The following EPB41 variants were observed in gnomAD, a reference collection of about 807,000 sequenced individuals.
EPB41 encodes erythrocyte membrane protein band 4.1.
In EPB41, 65 loss-of-function variants were observed where a neutral mutation model predicts 108.0. The ratio of observed to expected loss-of-function variants is 0.60; its 90% confidence interval spans 0.49 to 0.74. EPB41 has a LOEUF of 0.74. EPB41 is among the 30% of genes least tolerant of loss of function. The pLI, the probability that EPB41 is intolerant of heterozygous loss-of-function variation, is 0.00. For missense variants in EPB41, 875 were observed against 1,037.0 expected, an observed-to-expected ratio of 0.84 and a Z score of 2.15; for synonymous variants, 336 against 358.9, an observed-to-expected ratio of 0.94 and a Z score of 0.72.
chr1:28,976,778 G>A (rs1055380960), intron 1 of EPB41, among the ~76,000 whole-genome samples: 1 of 152,076 alleles, frequency 6.6e-6, no homozygotes, highest in Non-Finnish European at 1.5e-5. Context: ...AATAATACTG[G>A]TTCTGCGTGG....
At chr1:28,958,447 T>TA (rs528679521) in intron 1 of EPB41, among the ~76,000 whole-genome samples, 65 of 135,650 alleles carry the variant, frequency 4.8e-4, no homozygotes, top group Non-Finnish European at 7.1e-4. Context: ...TATCCTGTCT[T>TA]AAAAAAAAAA....
chr1:28,988,032 G>A, intron 2 of EPB41, 127 bp downstream of exon 2: 1 of 973,662 alleles, frequency 1.0e-6, no homozygotes, highest in South Asian at 1.4e-5. Context: ...GGAGGCCGAG[G>A]CAGGCGGATC....
At chr1:28,970,249 T>C (rs775611988) in intron 1 of EPB41, among the ~76,000 whole-genome samples, 2 of 152,200 alleles carry the variant, frequency 1.3e-5, no homozygotes, top group Admixed American at 6.5e-5. Flanking sequence ...AAACAATCCA[T>C]GATCCAGTTC....
At chr1:29,063,476 T>A (rs987236079) in intron 15 of EPB41, among the ~76,000 whole-genome samples, 1 of 152,236 alleles carries the variant, frequency 6.6e-6, no homozygotes, top group Non-Finnish European at 1.5e-5. Flanking sequence ...ATCTACAGAA[T>A]CAAAATCGTC....
At chr1:28,963,915 T>C (rs1426179245) in intron 1 of EPB41, among the ~76,000 whole-genome samples, 1 of 152,218 alleles carries the variant, frequency 6.6e-6, no homozygotes, top group African/African-American at 2.4e-5. Flanking sequence ...TAGTGCTTTT[T>C]TCTGACTCTG....
rs560591139 is a variant in EPB41, at chr1:29,038,953, A to G, written c.1464-301A>G. 3.9e-5 allele frequency among the ~76,000 whole-genome samples: 6 copies of G among 152,336 alleles called. No homozygotes were observed. In the South Asian group the frequency reaches 8.3e-4, roughly 21 times the overall value. Reference sequence around the variant, plus strand: ...TTTTGAGGTTCAGTTTCCTATATCTATAAAATGGGGAAAACATTATAAGGA... The same window carrying G: ...TTTTGAGGTTCAGTTTCCTATATCTGTAAAATGGGGAAAACATTATAAGGA... On this transcript the variant is annotated intron_variant, in intron 10 of 20. Transcript: ENST00000343067.
chr1:28,959,466 C>G (rs1043518765), intron 1 of EPB41, among the ~76,000 whole-genome samples: 6 of 152,202 alleles, frequency 3.9e-5, no homozygotes, highest in African/African-American at 1.4e-4. Context: ...GTCCACCCGC[C>G]TCGGCCTCCT....
chr1:29,104,738 C>T (rs998660554), intron 17 of EPB41, among the ~76,000 whole-genome samples: 1 of 152,058 alleles, frequency 6.6e-6, no homozygotes. Flanking sequence ...TGCGGGCCAC[C>T]ATGCCTGGCT....
chr1:29,090,182 G>A (rs1660680268), intron 16 of EPB41, among the ~76,000 whole-genome samples: 1 of 152,148 alleles, frequency 6.6e-6, no homozygotes, highest in South Asian at 2.1e-4. Flanking sequence ...AGAATCACTT[G>A]AACCCAGAAG....
At chr1:28,889,487 T>TACTC (rs2089858534) in intron 1 of EPB41, among the ~76,000 whole-genome samples, 1 of 152,236 alleles carries the variant, frequency 6.6e-6, no homozygotes, top group Admixed American at 6.5e-5. Context: ...CCAGGCCGCC[T>TACTC]TACTCCCCAG....
At chr1:29,024,393 G>A (rs1451738854) in intron 7 of EPB41, among the ~76,000 whole-genome samples, 2 of 151,770 alleles carry the variant, frequency 1.3e-5, no homozygotes, top group South Asian at 2.1e-4. Context: ...CAGCACTTTG[G>A]GAGGCTGAGG....
chr1:29,080,377 C>T (rs538361054), intron 16 of EPB41, among the ~76,000 whole-genome samples: 4 of 151,466 alleles, frequency 2.6e-5, no homozygotes, highest in East Asian at 3.9e-4. Context: ...GCTGGAATTA[C>T]AGGCGTGAGT....
At chr1:28,899,607 G>A (rs566571947) in intron 1 of EPB41, among the ~76,000 whole-genome samples, 2 of 152,220 alleles carry the variant, frequency 1.3e-5, no homozygotes, top group African/African-American at 4.8e-5. Flanking sequence ...AACCATCCTC[G>A]GGAGCTAGGA....
chr1:28,914,373 C>T (rs1283328145), upstream of EPB41, among the ~76,000 whole-genome samples: 1 of 152,230 alleles, frequency 6.6e-6, no homozygotes, highest in Non-Finnish European at 1.5e-5. Context: ...CCTCTCCTCT[C>T]CTTACCGGCC....
At chr1:28,995,386 A>AC (rs1233835722) in intron 3 of EPB41, among the ~76,000 whole-genome samples, 1 of 151,990 alleles carries the variant, frequency 6.6e-6, no homozygotes, top group Admixed American at 6.6e-5. Context: ...ACATGGTGAA[A>AC]CCCCGTCTCT....
rs2089589340 is a variant in EPB41, at chr1:28,887,690, G to A, written c.-8+480G>A. 3.0e-6 allele frequency: 3 copies of A among 985,166 alleles called. No individual in the cohort carries two copies. In the African/African-American group the frequency reaches 5.2e-5, roughly 17 times the overall value. 61.0% of individuals were successfully genotyped at this position (985,166 alleles called of 1,614,324 possible). A position where few individuals can be genotyped will look rare whatever the true frequency, so the allele number is the denominator to read the frequency against. ...GGCCTGGAGCCCCGCGCCCCGCTCCGGCCCTTACGTAACTGACTTTGAGTT... is the reference window on the plus strand; with the variant it reads ...GGCCTGGAGCCCCGCGCCCCGCTCCAGCCCTTACGTAACTGACTTTGAGTT... On this transcript the variant is annotated intron_variant, in intron 1 of 16. Coordinates refer to the EPB41 transcript ENST00000347529. This position sits in a 1 kb window ranked among gnomAD's most constrained non-coding sequence, Gnocchi z 4.9.
At position 28,998,128 on chromosome 1, in the gene EPB41, G is replaced by A. The variant is rs142985414; in HGVS notation, c.786+809G>A. 3.8e-3 allele frequency among the ~76,000 whole-genome samples: 571 copies of A among 152,262 alleles called. 6 individuals carry two copies. Among genetic ancestry groups the A allele is most frequent in the African/African-American group, 0.013 (532 of 41,538 alleles). On this transcript the variant is annotated intron_variant, in intron 4 of 20. Coordinates refer to ENST00000343067, the MANE Select transcript of EPB41 (RefSeq NM_001376013.1). ...AACATTAATTACTGGTTTGATGAGC[G>A]CTATACAAAAGGAAATACAGGTTGT...
intron 1 of EPB41, among the ~76,000 whole-genome samples, chr1:28,980,796 T>TG (rs2095720296): frequency 8.8e-6 from 1 of 113,762 alleles, no homozygotes; most frequent in Non-Finnish European, 1.8e-5. Flanking sequence ...TTCCAGGAGT[T>TG]TTTTTTTTTT....
At chr1:29,067,574 G>A (rs1247363153) in intron 16 of EPB41, among the ~76,000 whole-genome samples, 1 of 149,964 alleles carries the variant, frequency 6.7e-6, no homozygotes, top group Non-Finnish European at 1.5e-5. Context: ...GGCTGAGGCA[G>A]GAGAATCGCT....
Sources: allele counts gnomAD v4.1 joint callset (sites outside exome capture counted in the v4.1 genomes callset), GRCh38; gene constraint gnomAD v4.1.1; non-coding constraint Gnocchi (gnomAD v3.1); transcripts MANE v1.5; gene names NCBI Gene and HGNC (gene_info 2026-07-23, HGNC 2026-07-21).